The following ADH5 variants were observed in gnomAD, a reference collection of about 807,000 sequenced individuals.
ADH5 encodes the protein alcohol dehydrogenase class-3.
ADH5 carries 32 observed loss-of-function variants against 40.3 expected under a neutral mutation model. That is an observed-to-expected ratio of 0.79 (90% CI 0.60 to 1.07). The LOEUF (loss-of-function observed/expected upper bound fraction) is 1.07, where lower values mean the gene tolerates loss of function less well. ADH5 is among the 50% of genes least tolerant of loss of function. ADH5 has a pLI of 0.00. For synonymous variants in ADH5, 125 were observed against 154.3 expected (o/e 0.81, Z 1.41); for missense variants, 353 against 460.5 (o/e 0.77, Z 2.14).
chr4:99,078,073 A>G (rs1216545282), intron 4 of ADH5, among the ~76,000 whole-genome samples: 2 of 152,314 alleles, frequency 1.3e-5, no homozygotes, highest in East Asian at 1.9e-4. Flanking sequence ...AATAAACACT[A>G]TAATTGCTTT....
intron 1 of ADH5, among the ~76,000 whole-genome samples, chr4:99,087,789 TAA>T (rs1728176915): frequency 6.6e-6 from 1 of 152,216 alleles, no homozygotes; most frequent in African/African-American, 2.4e-5. Context: ...CTTCTCTGAA[TAA>T]AGACACTCAG....
At chr4:99,086,283 T>TATATC (rs28730575) in intron 1 of ADH5, among the ~76,000 whole-genome samples, 120,253 of 151,480 alleles carry the variant, frequency 0.79, 48,352 homozygotes, top group East Asian at 1. Context: ...ACGTGACTAA[T>TATATC]TATAGCACAC....
At chr4:99,075,104 CA>C in intron 6 of ADH5, 55 bp from the exon 7 acceptor site, 1 of 1,164,464 alleles carries the variant, frequency 8.6e-7, no homozygotes, top group Non-Finnish European at 1.2e-6. Flanking sequence ...TTCCTGAGAA[CA>C]ACTGCTGGCG....
At chr4:99,085,448 G>A (rs770395354) in intron 1 of ADH5, 1 of 382,432 alleles carries the variant, frequency 2.6e-6, no homozygotes, top group Non-Finnish European at 4.7e-6. Context: ...TGGTTAAAAA[G>A]TTGTACTCAT....
intron 2 of ADH5, 32 bp downstream of exon 2, chr4:99,085,082 CT>C (rs775530448): frequency 2.0e-5 from 24 of 1,229,374 alleles, no homozygotes; most frequent in South Asian, 1.1e-4. Flanking sequence ...CATTGTGTCT[CT>C]TTTTTTCCCA....
Position 99,083,359 on chromosome 4 carries a change from G to A in ADH5, c.115-1243C>T, listed in dbSNP as rs550160268. 1.3e-4 allele frequency among the ~76,000 whole-genome samples: 20 copies of A among 152,200 alleles called. No individual in the cohort carries two copies. The East Asian group carries it at 3.9e-3, about 29-fold the overall frequency. On this transcript the variant is annotated intron_variant, in intron 2 of 8. Coordinates refer to ENST00000296412, the MANE Select transcript of ADH5 (RefSeq NM_000671.4). ...TCACACCTGTAATCCCAGCACTTTG[G>A]GAGGCTGAGGCGTGTGGATCACTTG...
chr4:99,088,783 A>G lies in ADH5; in HGVS notation c.-83T>C. On this transcript the variant is annotated 5_prime_UTR_variant, in exon 1 of 9. Transcript: ENST00000296412. ...GGAGGCATGGGCGTGGCGAGCGCCT[A>G]GCGAGGGGGGCGGGGCGTGGGGGGG... 1 of 357,514 alleles carries G rather than the reference A, an allele frequency of 2.8e-6. No individual in the cohort carries two copies. The highest frequency in any genetic ancestry group is 8.4e-5 in the East Asian group (1 of 11,850). The allele number at this position is 357,514 out of a possible 1,614,324, so 22.1% of individuals were successfully genotyped here.
In ADH5 at chr4:99,072,612, T is replaced by C; in HGVS notation, c.1061A>G (p.Glu354Gly). 1 of 1,613,668 alleles carries C rather than the reference T, an allele frequency of 6.2e-7. No homozygotes were observed. The highest frequency in any genetic ancestry group is 8.5e-7 in the Non-Finnish European group (1 of 1,179,782). Residue 354 changes from glutamate to glycine, a missense_variant, in exon 8 of 9, where the codon GAA becomes GGA. Physicochemically the swap from Glu to Gly is moderately conservative, Grantham distance 98. Transcript: ENST00000296412. Reference protein sequence around the residue: ...EFVTHNLSFDEINKAFELMHS... With the variant: ...EFVTHNLSFDGINKAFELMHS... ...CATCAGTTCAAAGGCTTTGTTGATT[T>C]CATCAAAAGACAGATTGTGAGTCAC...
At chr4:99,085,358 T>G (rs1353635834) in intron 1 of ADH5, 142 bp from the exon 2 acceptor site, 1 of 447,750 alleles carries the variant, frequency 2.2e-6, no homozygotes, top group Non-Finnish European at 4.0e-6. Context: ...AAGTGATATG[T>G]TTTTAGATTT....
At chr4:99,074,552 G>T (rs28730632) in intron 7 of ADH5, among the ~76,000 whole-genome samples, 1 of 152,088 alleles carries the variant, frequency 6.6e-6, no homozygotes, top group East Asian at 1.9e-4. Context: ...AAGCTACTTG[G>T]GTCCACAAGA....
chr4:99,072,625 G>T lies in ADH5; in HGVS notation c.1048C>A (p.Leu350Met). 1 of 1,613,686 alleles carries T rather than the reference G, an allele frequency of 6.2e-7. No individual in the cohort carries two copies. Among genetic ancestry groups the T allele is most frequent in the South Asian group, 1.1e-5 (1 of 91,004 alleles). Residue 350 changes from leucine to methionine, a missense_variant, in exon 8 of 9, where the codon CTG becomes ATG. Leu to Met is a conservative substitution (Grantham distance 15). Transcript: ENST00000296412. ...GCTTTGTTGATTTCATCAAAAGACA[G>T]ATTGTGAGTCACAAATTCATCAACT... ...IKVDEFVTHN[L>M]SFDEINKAFE...
chr4:99,088,112 G>A (rs1728183461), intron 1 of ADH5, among the ~76,000 whole-genome samples: 1 of 152,148 alleles, frequency 6.6e-6, no homozygotes, highest in Non-Finnish European at 1.5e-5. Flanking sequence ...ATAACACCTC[G>A]CAGAGGTGTT....
intron 1 of ADH5, among the ~76,000 whole-genome samples, 176 bp downstream of exon 1, chr4:99,088,513 C>T (rs1268375378): frequency 2.0e-5 from 3 of 148,864 alleles, no homozygotes; most frequent in Admixed American, 6.8e-5. Context: ...AGAGCCGAGA[C>T]AAAGCTTCCT....
At chr4:99,082,955 C>G (rs1315243419) in intron 2 of ADH5, among the ~76,000 whole-genome samples, 2 of 152,180 alleles carry the variant, frequency 1.3e-5, no homozygotes, top group Non-Finnish European at 2.9e-5. Flanking sequence ...GGATTATAGG[C>G]GTGAGCCACC....
intron 2 of ADH5, among the ~76,000 whole-genome samples, 187 bp downstream of exon 2, chr4:99,084,928 T>C (rs528819687): frequency 5.3e-5 from 8 of 152,310 alleles, no homozygotes; most frequent in African/African-American, 1.9e-4. Flanking sequence ...CTAAAAGAGA[T>C]GGAGAAGCAT....
chr4:99,088,200 G>C (rs538793677), intron 1 of ADH5, among the ~76,000 whole-genome samples: 1 of 152,144 alleles, frequency 6.6e-6, no homozygotes, highest in Admixed American at 6.5e-5. Context: ...GGACGTAGGG[G>C]TCTTTCCAAA....
intron 2 of ADH5, among the ~76,000 whole-genome samples, chr4:99,083,796 A>C (rs935624084): frequency 6.6e-6 from 1 of 151,878 alleles, no homozygotes; most frequent in Non-Finnish European, 1.5e-5. Flanking sequence ...AATGATCACT[A>C]CTCTAAAGCA....
In ADH5 at chr4:99,081,975, C is replaced by T; in HGVS notation, c.256G>A (p.Gly86Ser). 6.2e-7 allele frequency: 1 copy of T among 1,613,566 alleles called. No homozygotes were observed. ...CAAGTGGTTCAAGTATTCTCCTTACCCGCCTTCAGCTTAGTAACTCCCTCA... is the reference window on the plus strand; with the variant it reads ...CAAGTGGTTCAAGTATTCTCCTTACTCGCCTTCAGCTTAGTAACTCCCTCA... Reference protein sequence around the residue: ...VGEGVTKLKAGDTVIPLYIPQ... With the variant: ...VGEGVTKLKASDTVIPLYIPQ... The change falls in exon 3 of 9, where the codon GGT (glycine) becomes AGT (serine). Residue 86 changes from glycine (G) to serine (S), a missense_variant and splice_region_variant. Physicochemically the swap from Gly to Ser is moderately conservative, Grantham distance 56 (BLOSUM62 0). Transcript: ENST00000296412.
chr4:99,077,004 T>C, intron 4 of ADH5, 81 bp from the exon 5 acceptor site: 2 of 1,006,266 alleles, frequency 2.0e-6, no homozygotes, highest in Non-Finnish European at 2.9e-6. Context: ...TTAAAAATAA[T>C]GACCAGTAAA....
Sources: gnomAD v4.1 joint callset for allele counts (sites outside exome capture counted in the v4.1 genomes callset) on GRCh38, gnomAD v4.1.1 for gene constraint, MANE v1.5 for transcripts, NCBI Gene and HGNC (gene_info 2026-07-23, HGNC 2026-07-21) for gene names.